Variants in SHISA6 observed in about 807,000 individuals in gnomAD.
SHISA6 encodes shisa family member 6, also known as protein shisa-6.
A neutral mutation model predicts 47.9 loss-of-function variants in SHISA6; 22 were observed. The ratio of observed to expected loss-of-function variants is 0.46; its 90% CI spans 0.33 to 0.66. The LOEUF is 0.66. Among genes scored for constraint, SHISA6 ranks in the 30% least tolerant of loss-of-function variants. The pLI, the probability that SHISA6 is intolerant of heterozygous loss-of-function variation, is 0.02. For synonymous variants in SHISA6, 388 were observed against 337.8 expected (o/e 1.15, Z -1.63); for missense variants, 680 against 764.6 (o/e 0.89, Z 1.30).
chr17:11,510,585 TGGTTCCTATGCAAA>T (rs2071533712), intron 3 of SHISA6, among the ~76,000 whole-genome samples: 1 of 152,182 alleles, frequency 6.6e-6, no homozygotes, highest in Admixed American at 6.6e-5. Flanking sequence ...TTGTTCTAGC[TGGTTCCTATGCAAA>T]GGTTCACAAT....
chr17:11,407,532 A>T (rs891152128), intron 3 of SHISA6, among the ~76,000 whole-genome samples: 23 of 151,980 alleles, frequency 1.5e-4, no homozygotes, highest in African/African-American at 5.6e-4. Flanking sequence ...ATATACACAC[A>T]TAGAGCCATA....
chr17:11,555,634 G>A, intron 4 of SHISA6, 106 bp from the exon 5 acceptor site: 3 of 1,287,186 alleles, frequency 2.3e-6, no homozygotes, highest in Non-Finnish European at 3.1e-6. Context: ...CAAGCACAGA[G>A]GTCCAGGAAA....
intron 3 of SHISA6, among the ~76,000 whole-genome samples, chr17:11,480,428 G>C (rs1195209185): frequency 6.6e-6 from 1 of 152,140 alleles, no homozygotes; most frequent in Non-Finnish European, 1.5e-5. Context: ...ATGGAAATCT[G>C]AAGAATGAGT....
At chr17:11,251,291 A>G (rs11078890) in intron 1 of SHISA6, among the ~76,000 whole-genome samples, 127,015 of 152,012 alleles carry the variant, frequency 0.84, 54,206 homozygotes, top group South Asian at 0.92. Context: ...CCCCATTTAG[A>G]TTGCATGCAG....
At chr17:11,301,889 G>C (rs779217154) in intron 2 of SHISA6, among the ~76,000 whole-genome samples, 3 of 152,148 alleles carry the variant, frequency 2.0e-5, no homozygotes, top group Admixed American at 2.0e-4. Flanking sequence ...CCAGAGACTG[G>C]GAAGAGAAAG....
chr17:11,494,467 C>A (rs944688827), intron 3 of SHISA6, among the ~76,000 whole-genome samples: 1 of 152,304 alleles, frequency 6.6e-6, no homozygotes, highest in East Asian at 1.9e-4. Flanking sequence ...CGCAGTGCAC[C>A]TCTGCACACC....
intron 3 of SHISA6, among the ~76,000 whole-genome samples, chr17:11,450,033 C>T (rs1333668219): frequency 1.3e-5 from 2 of 152,128 alleles, no homozygotes; most frequent in East Asian, 3.9e-4. Context: ...TACAGGCGTC[C>T]GCCACCACGC....
At chr17:11,254,344 A>G (rs1426562492) in intron 1 of SHISA6, among the ~76,000 whole-genome samples, 1 of 152,100 alleles carries the variant, frequency 6.6e-6, no homozygotes, top group Non-Finnish European at 1.5e-5. Flanking sequence ...CCCTCAGCAC[A>G]CCTGAAAGAT....
At chr17:11,333,696 G>T (rs982717677) in intron 2 of SHISA6, among the ~76,000 whole-genome samples, 3 of 150,010 alleles carry the variant, frequency 2.0e-5, no homozygotes, top group African/African-American at 5.1e-5. Flanking sequence ...TGTATTTTTA[G>T]TAGAGATGGG....
At chr17:11,314,589 A>G (rs4792128) in intron 2 of SHISA6, among the ~76,000 whole-genome samples, 112,468 of 150,022 alleles carry the variant, frequency 0.75, 42,058 homozygotes, top group Middle Eastern at 0.78. Context: ...AGGCTCGAGT[A>G]CAATGGCACA....
chr17:11,338,973 G>C lies in SHISA6; in HGVS notation c.800-40441G>C, dbSNP rs559243667. 1.0e-3 allele frequency among the ~76,000 whole-genome samples: 157 copies of C among 151,796 alleles called. 1 individual carries two copies. Among genetic ancestry groups the C allele is most frequent in the African/African-American group, 3.5e-3 (146 of 41,318 alleles). On this transcript the variant is annotated intron_variant, in intron 2 of 5. Transcript: ENST00000441885. The stretch of plus-strand genomic sequence containing the variant: ...TTGCAAACATTCTTATATATTTACT[G>C]TATACATAATGTTTAAAATATGGAA...
chr17:11,515,963 A>G (rs1355765362), intron 3 of SHISA6, among the ~76,000 whole-genome samples: 1 of 152,152 alleles, frequency 6.6e-6, no homozygotes, highest in Non-Finnish European at 1.5e-5. Context: ...CTTTACAAGC[A>G]TCTCTCTCTC....
chr17:11,516,184 C>T (rs1333655687), intron 3 of SHISA6, among the ~76,000 whole-genome samples: 3 of 152,158 alleles, frequency 2.0e-5, no homozygotes, highest in African/African-American at 4.8e-5. Context: ...CTCAAGCATT[C>T]CATTGCCTCA....
intron 3 of SHISA6, among the ~76,000 whole-genome samples, chr17:11,397,165 A>G (rs531732899): frequency 1.3e-5 from 2 of 152,252 alleles, no homozygotes; most frequent in African/African-American, 2.4e-5. Flanking sequence ...TTACCTTTGT[A>G]CTTACTTCTT....
chr17:11,358,934 A>T (rs966833921), intron 2 of SHISA6, among the ~76,000 whole-genome samples: 14 of 152,342 alleles, frequency 9.2e-5, no homozygotes, highest in African/African-American at 3.4e-4. Context: ...TGTTGGGATT[A>T]CAGGGGTGAG....
chr17:11,320,109 A>T (rs1340996971), intron 2 of SHISA6, among the ~76,000 whole-genome samples: 1 of 152,232 alleles, frequency 6.6e-6, no homozygotes, highest in African/African-American at 2.4e-5. Context: ...GAATGAGGAA[A>T]TTAATGTAGG....
chr17:11,338,433 G>A (rs1409898888), intron 2 of SHISA6, among the ~76,000 whole-genome samples: 1 of 151,948 alleles, frequency 6.6e-6, no homozygotes, highest in Non-Finnish European at 1.5e-5. Flanking sequence ...ATGGAGTCTC[G>A]CTCTGTCACC....
At chr17:11,267,110 C>G (rs191673953) in intron 2 of SHISA6, among the ~76,000 whole-genome samples, 1 of 152,332 alleles carries the variant, frequency 6.6e-6, no homozygotes, top group Admixed American at 6.5e-5. Flanking sequence ...CTGTCCCCTT[C>G]TATAAGAGCC....
intron 3 of SHISA6, among the ~76,000 whole-genome samples, chr17:11,473,688 G>A (rs1483273687): frequency 6.6e-6 from 1 of 152,022 alleles, no homozygotes; most frequent in Non-Finnish European, 1.5e-5. Context: ...AAAAACAGAT[G>A]GACAAATGGA....
Sources: allele counts gnomAD v4.1 joint callset (sites outside exome capture counted in the v4.1 genomes callset), GRCh38; gene constraint gnomAD v4.1.1; transcripts MANE v1.5; gene names NCBI Gene and HGNC (gene_info 2026-07-23, HGNC 2026-07-21).